Variants in ERC2 observed in about 807,000 individuals in gnomAD.
The protein encoded by ERC2 is ERC protein 2.
A neutral mutation model predicts 114.8 loss-of-function variants in ERC2; 42 were observed. The ratio of observed to expected loss-of-function variants is 0.37; its 90% confidence interval spans 0.29 to 0.47. The LOEUF is 0.47. ERC2 is among the 20% of genes least tolerant of loss of function. The probability of loss-of-function intolerance (pLI) is 0.99; values close to 1 mark genes in which losing one functional copy is unlikely to be tolerated. For missense variants in ERC2, 939 were observed against 1,150.7 expected (o/e 0.82, Z 2.66); for synonymous variants, 454 against 425.5 (o/e 1.07, Z -0.82).
At chr3:56,187,832 C>T (rs74541669) in intron 3 of ERC2, among the ~76,000 whole-genome samples, 45 of 152,220 alleles carry the variant, frequency 3.0e-4, no homozygotes, top group African/African-American at 1.1e-3. Flanking sequence ...GTATAAATGT[C>T]AACTCGCTAG....
intron 11 of ERC2, 32 bp downstream of exon 11, chr3:55,992,025 C>G (rs1229374746): frequency 6.2e-7 from 1 of 1,600,854 alleles, no homozygotes; most frequent in Non-Finnish European, 8.5e-7. Context: ...TGTTCTCTCA[C>G]TGCCAACAAT....
At chr3:55,838,092 G>GAA (rs77103589) in intron 14 of ERC2, among the ~76,000 whole-genome samples, 1 of 148,300 alleles carries the variant, frequency 6.7e-6, no homozygotes, top group African/African-American at 2.5e-5. Context: ...AAACAGAATT[G>GAA]AAAAAAAAAC....
intron 13 of ERC2, among the ~76,000 whole-genome samples, chr3:55,902,453 C>T (rs1176137624): frequency 1.3e-5 from 2 of 152,144 alleles, no homozygotes; most frequent in Admixed American, 1.3e-4. Flanking sequence ...ACAGGGAAAA[C>T]TCAGAACAAA....
chr3:55,725,511 C>CA lies in ERC2; in HGVS notation c.2712+9259dup, dbSNP rs1042382282. Reference sequence around the variant, plus strand: ...TTGAACTTCAGTAACATCTCTGCAACAAAAAAAAATAGCACTTTGTCCTAT... The same window carrying CA: ...TTGAACTTCAGTAACATCTCTGCAACAAAAAAAAAATAGCACTTTGTCCTAT... On this transcript the variant is annotated intron_variant, in intron 15 of 17. Transcript: ENST00000288221. Among the ~76,000 whole-genome samples, 301 of 150,746 alleles carry CA rather than the reference C, an allele frequency of 2.0e-3. 6 individuals are homozygous for CA. Among genetic ancestry groups the CA allele is most frequent in the East Asian group, 2.9e-3 (15 of 5,148 alleles).
At chr3:55,567,020 G>GTATA (rs150871217) in intron 17 of ERC2, among the ~76,000 whole-genome samples, 43 of 150,696 alleles carry the variant, frequency 2.9e-4, no homozygotes, top group African/African-American at 9.2e-4. Flanking sequence ...TTTTCAAAAT[G>GTATA]TATATATATA....
intron 17 of ERC2, among the ~76,000 whole-genome samples, chr3:55,513,316 T>C (rs2052232237): frequency 2.0e-5 from 3 of 152,240 alleles, no homozygotes; most frequent in South Asian, 4.1e-4. Flanking sequence ...TCTGCAGTCC[T>C]GTACTTAACG....
chr3:56,395,526 T>C (rs1010967579), intron 2 of ERC2, among the ~76,000 whole-genome samples: 1 of 152,162 alleles, frequency 6.6e-6, no homozygotes, highest in South Asian at 2.1e-4. Context: ...AGCATGGTGC[T>C]GTCTTCGCAA....
intron 2 of ERC2, among the ~76,000 whole-genome samples, chr3:56,347,846 G>C (rs1453426260): frequency 6.6e-6 from 1 of 152,136 alleles, no homozygotes; most frequent in African/African-American, 2.4e-5. Flanking sequence ...TGATTCCTTA[G>C]TGTTGTCTTA....
Position 55,847,237 on chromosome 3 carries a change from C to T in ERC2, c.2564+41152G>A, listed in dbSNP as rs373709032. Among the ~76,000 whole-genome samples the T allele has an allele frequency of 2.2e-4, 33 of 152,180 alleles. No homozygotes were observed. In the South Asian group the frequency reaches 2.3e-3, roughly 11 times the overall value. On this transcript the variant is annotated intron_variant, in intron 14 of 17. Coordinates refer to ENST00000288221, the MANE Select transcript of ERC2 (RefSeq NM_015576.3). ...ACTTTACAGGCTTATAAGTTATAAA[C>T]CTATAAAGCTTTTCCCATTGGACAT...
At chr3:56,348,897 AAGGAAGGAAAGAAGGAAGGAAGGAAG>A (rs1560642339) in intron 2 of ERC2, among the ~76,000 whole-genome samples, 65 of 69,942 alleles carry the variant, frequency 9.3e-4, no homozygotes, top group Middle Eastern at 6.3e-3. Context: ...GGAAGGAAGG[AAGGAAGGAAAGAAGGAAGGAAGGAAG>A]GAAGGAAGGA....
intron 14 of ERC2, among the ~76,000 whole-genome samples, chr3:55,864,231 G>A (rs1200055100): frequency 2.7e-5 from 3 of 112,990 alleles, no homozygotes; most frequent in African/African-American, 7.9e-5. Context: ...ACATATATAT[G>A]TGTGTGTGTG....
intron 14 of ERC2, among the ~76,000 whole-genome samples, chr3:55,742,338 T>C (rs1426152338): frequency 6.6e-6 from 1 of 152,154 alleles, no homozygotes; most frequent in African/African-American, 2.4e-5. Context: ...ATTTGAGCTC[T>C]GAAAGAGGAT....
intron 17 of ERC2, among the ~76,000 whole-genome samples, chr3:55,574,207 G>A (rs893809294): frequency 6.6e-6 from 1 of 152,114 alleles, no homozygotes; most frequent in African/African-American, 2.4e-5. Context: ...CTTATCCAAG[G>A]CTTCACAGCT....
At chr3:55,968,466 T>C (rs2068912910) in intron 12 of ERC2, among the ~76,000 whole-genome samples, 1 of 152,198 alleles carries the variant, frequency 6.6e-6, no homozygotes, top group South Asian at 2.1e-4. Context: ...CACATCTCGA[T>C]TGAGCTATTT....
chr3:56,339,458 G>T (rs1412443246), intron 2 of ERC2, among the ~76,000 whole-genome samples: 1 of 152,130 alleles, frequency 6.6e-6, no homozygotes, highest in Non-Finnish European at 1.5e-5. Flanking sequence ...CTGAAGTGCG[G>T]TGTGGCTGGC....
At chr3:55,681,055 G>A (rs2148769339) in intron 17 of ERC2, among the ~76,000 whole-genome samples, 1 of 152,160 alleles carries the variant, frequency 6.6e-6, no homozygotes, top group Admixed American at 6.5e-5. Context: ...AGGCCTGGGT[G>A]TGAGGTTTAA....
intron 6 of ERC2, among the ~76,000 whole-genome samples, chr3:56,127,659 G>A (rs2079953917): frequency 6.6e-6 from 1 of 151,492 alleles, no homozygotes. Context: ...GGAGGCAGAG[G>A]TTGCTATGAG....
At chr3:55,749,800 C>T (rs1559594288) in intron 14 of ERC2, among the ~76,000 whole-genome samples, 1 of 152,212 alleles carries the variant, frequency 6.6e-6, no homozygotes, top group African/African-American at 2.4e-5. Context: ...CTTCACTCTT[C>T]ACAATAAACC....
At chr3:55,658,966 C>G (rs1236052848) in intron 17 of ERC2, 1 of 152,666 alleles carries the variant, frequency 6.6e-6, no homozygotes, top group African/African-American at 2.4e-5. Flanking sequence ...TGCAGTGAAC[C>G]TTCCCGAGGC....
Sources: gnomAD v4.1 joint callset for allele counts (sites outside exome capture counted in the v4.1 genomes callset) on GRCh38, gnomAD v4.1.1 for gene constraint, MANE v1.5 for transcripts, NCBI Gene and HGNC (gene_info 2026-07-23, HGNC 2026-07-21) for gene names.